Variants in UEVLD observed in about 807,000 individuals in gnomAD.
UEVLD encodes the protein UEV and lactate/malate dehyrogenase domains, also known as ubiquitin-conjugating enzyme E2 variant 3.
Under a neutral mutation model 58.6 loss-of-function variants are expected in UEVLD, and 47 were observed. The observed-to-expected ratio is 0.80, with a 90% CI of 0.63 to 1.02. The LOEUF is 1.02. Ranked by LOEUF, UEVLD falls within the 50% of genes least tolerant of loss-of-function variation. The pLI, the probability that UEVLD is intolerant of heterozygous loss-of-function variation, is 0.00. For missense variants in UEVLD, 510 were observed against 550.6 expected (o/e 0.93, Z 0.74); for synonymous variants, 197 against 195.3 (o/e 1.01, Z -0.07).
intron 1 of UEVLD, among the ~76,000 whole-genome samples, chr11:18,583,794 TG>T (rs1853396314): frequency 6.6e-6 from 1 of 151,672 alleles, no homozygotes; most frequent in African/African-American, 2.4e-5. Flanking sequence ...CTCGAGTAGC[TG>T]GGATTACAGG....
At chr11:18,585,355 G>T (rs1200039741) in intron 1 of UEVLD, among the ~76,000 whole-genome samples, 1 of 152,154 alleles carries the variant, frequency 6.6e-6, no homozygotes, top group African/African-American at 2.4e-5. Context: ...TAATCCACTG[G>T]AAATTTTTAT....
At position 18,575,411 on chromosome 11, in the gene UEVLD, A is replaced by G. The variant is rs1188683263; in HGVS notation, c.129T>C (p.Val43=). ...GGTCTTTCTGAGAACTATCTTTAAAAACTAGAAGAAAAAAAAAAAAGCCCC... is the reference window on the plus strand; with the variant it reads ...GGTCTTTCTGAGAACTATCTTTAAAGACTAGAAGAAAAAAAAAAAAGCCCC... ...PHFKYSMDTY[V]FKDSSQKDLL... The change falls in exon 3 of 12, where the codon GTT becomes GTC. Residue 43 remains valine (V), a splice_region_variant and synonymous_variant. Transcript: ENST00000396197. 2 of 1,590,910 alleles carry G rather than the reference A, an allele frequency of 1.3e-6. No homozygotes were observed. The highest frequency in any genetic ancestry group is 1.7e-6 in the Non-Finnish European group (2 of 1,174,408).
At chr11:18,533,729 G>C (rs1355562280) in intron 11 of UEVLD, among the ~76,000 whole-genome samples, 1 of 152,178 alleles carries the variant, frequency 6.6e-6, no homozygotes, top group Non-Finnish European at 1.5e-5. Context: ...GAGTCTCGCT[G>C]TGTCACCCAG....
At chr11:18,570,472 G>A (rs538052867) in intron 3 of UEVLD, 95 bp from the exon 4 acceptor site, 1 of 1,216,288 alleles carries the variant, frequency 8.2e-7, no homozygotes, top group Non-Finnish European at 1.1e-6. Flanking sequence ...GTAGGCTGGG[G>A]TGGTGGCTGA....
intron 8 of UEVLD, among the ~76,000 whole-genome samples, chr11:18,546,335 A>AT (rs1442202968): frequency 2.0e-5 from 3 of 152,154 alleles, no homozygotes; most frequent in African/African-American, 7.2e-5. Flanking sequence ...ACATAATATC[A>AT]TATTTCATTA....
At chr11:18,582,726 C>T (rs1590378416) in intron 1 of UEVLD, among the ~76,000 whole-genome samples, 1 of 152,264 alleles carries the variant, frequency 6.6e-6, no homozygotes, top group Non-Finnish European at 1.5e-5. Flanking sequence ...TTCTGCATAA[C>T]ATTCTCTAAA....
rs375386050 is a variant in UEVLD, at chr11:18,532,403, T to C, written c.1333A>G (p.Thr445Ala). ...TNGVSEVIKT[T>A]LKEDTVTEKL... ...TCAGTAACTGTATCTTCTTTCAGTGTGGTTTTGATAACTTCAGATACTCCA... is the reference window on the plus strand; with the variant it reads ...TCAGTAACTGTATCTTCTTTCAGTGCGGTTTTGATAACTTCAGATACTCCA... The change falls in exon 12 of 12, where the codon ACA becomes GCA. Residue 445 changes from threonine to alanine, a missense_variant. Physicochemically the swap from Thr to Ala is moderately conservative, Grantham distance 58. Transcript: ENST00000396197. The C allele has an allele frequency of 3.1e-6, 5 of 1,613,690 alleles. No individual in the cohort carries two copies. Among genetic ancestry groups the C allele is most frequent in the Non-Finnish European group, 4.2e-6 (5 of 1,179,798 alleles).
At chr11:18,575,894 A>G (rs1590368095) in intron 2 of UEVLD, among the ~76,000 whole-genome samples, 1 of 152,086 alleles carries the variant, frequency 6.6e-6, no homozygotes, top group East Asian at 1.9e-4. Context: ...GTCAACACCT[A>G]CCTCCACTAC....
In UEVLD at chr11:18,542,245, G is replaced by A. The variant is rs142416327; in HGVS notation, c.1060+2378C>T. 4.9e-3 allele frequency among the ~76,000 whole-genome samples: 745 copies of A among 152,244 alleles called. 7 individuals are homozygous for A. Among genetic ancestry groups the A allele is most frequent in the African/African-American group, 0.017 (720 of 41,534 alleles). On this transcript the variant is annotated intron_variant, in intron 9 of 11. Coordinates refer to ENST00000396197, the MANE Select transcript of UEVLD (RefSeq NM_001040697.4). ...AGAGGGGAAGAGGCAAACTAACCAT[G>A]AGATGTGCAATAACCAGGCAAGCAA... is the stretch of plus-strand genomic sequence containing the variant.
At chr11:18,552,151 A>G (rs908501231) in intron 7 of UEVLD, among the ~76,000 whole-genome samples, 7 of 152,256 alleles carry the variant, frequency 4.6e-5, no homozygotes, top group Non-Finnish European at 5.9e-5. Flanking sequence ...CTCTTTTCAA[A>G]TTATTTAATA....
At chr11:18,577,765 G>A (rs781769856) in intron 2 of UEVLD, among the ~76,000 whole-genome samples, 4 of 151,660 alleles carry the variant, frequency 2.6e-5, no homozygotes, top group African/African-American at 4.8e-5. Flanking sequence ...CCAGCTACTC[G>A]GAAGGCTGAG....
chr11:18,562,023 G>A (rs561294367), intron 6 of UEVLD, among the ~76,000 whole-genome samples: 1 of 152,256 alleles, frequency 6.6e-6, no homozygotes, highest in South Asian at 2.1e-4. Flanking sequence ...TATCACTGTT[G>A]CAGTCATAAT....
intron 11 of UEVLD, among the ~76,000 whole-genome samples, chr11:18,533,779 C>T (rs3781639): frequency 0.16 from 24,433 of 152,068 alleles, 2,583 homozygotes; most frequent in East Asian, 0.41. Context: ...CTCCGCCTCC[C>T]GAGTAGCTGG....
chr11:18,584,667 C>CT (rs770885277), intron 1 of UEVLD, among the ~76,000 whole-genome samples: 91 of 152,192 alleles, frequency 6.0e-4, no homozygotes, highest in Middle Eastern at 6.8e-3. Flanking sequence ...GAGTCTTGCT[C>CT]TGTTGCCCAG....
chr11:18,568,518 A>C (rs761974510), intron 4 of UEVLD, among the ~76,000 whole-genome samples: 4 of 152,226 alleles, frequency 2.6e-5, no homozygotes, highest in African/African-American at 9.6e-5. Context: ...CTGAAAATTA[A>C]GAGTAAGATC....
intron 2 of UEVLD, among the ~76,000 whole-genome samples, chr11:18,577,952 A>C (rs1853017440): frequency 6.6e-6 from 1 of 152,138 alleles, no homozygotes; most frequent in East Asian, 1.9e-4. Context: ...TATTAGGTGA[A>C]CAGAATAACT....
chr11:18,570,122 T>C (rs1852518079), intron 4 of UEVLD, 92 bp downstream of exon 4: 3 of 1,270,462 alleles, frequency 2.4e-6, no homozygotes, highest in Non-Finnish European at 3.2e-6. Context: ...TGAAAGAAAA[T>C]GCAGTATCAT....
intron 1 of UEVLD, among the ~76,000 whole-genome samples, chr11:18,580,187 A>T (rs7942733): frequency 0.19 from 28,413 of 152,070 alleles, 2,741 homozygotes; most frequent in East Asian, 0.25. Context: ...TATCATCAAA[A>T]GGAGAAAATA....
intron 7 of UEVLD, among the ~76,000 whole-genome samples, chr11:18,554,759 G>A (rs1378401831): frequency 6.6e-6 from 1 of 152,034 alleles, no homozygotes; most frequent in Admixed American, 6.6e-5. Context: ...AAGTGTGTAT[G>A]TATGTATCTG....
Sources: gnomAD v4.1 joint callset for allele counts (sites outside exome capture counted in the v4.1 genomes callset) on GRCh38, gnomAD v4.1.1 for gene constraint, MANE v1.5 for transcripts, NCBI Gene and HGNC (gene_info 2026-07-23, HGNC 2026-07-21) for gene names.